The following LHFPL3 variants were observed in gnomAD, a reference collection of about 807,000 sequenced individuals.
LHFPL3 encodes LHFPL tetraspan subfamily member 3 protein.
A neutral mutation model predicts 19.3 loss-of-function variants in LHFPL3; 5 were observed. The observed-to-expected ratio is 0.26, with a 90% CI of 0.14 to 0.54. The LOEUF (loss-of-function observed/expected upper bound fraction) is 0.54. Among genes scored for constraint, LHFPL3 ranks in the 20% least tolerant of loss-of-function variants. LHFPL3 has a pLI of 0.94. For synonymous variants in LHFPL3, 133 were observed against 126.2 expected (o/e 1.05, Z -0.36); for missense variants, 249 against 307.4 (o/e 0.81, Z 1.42).
At chr7:104,827,195 T>A (rs1209503370) in intron 2 of LHFPL3, among the ~76,000 whole-genome samples, 3 of 152,062 alleles carry the variant, frequency 2.0e-5, no homozygotes, top group Non-Finnish European at 4.4e-5. Flanking sequence ...TGGATCACTG[T>A]CCTGCAGCCA....
chr7:104,527,746 C>T (rs971898396), intron 1 of LHFPL3, among the ~76,000 whole-genome samples: 4 of 152,218 alleles, frequency 2.6e-5, no homozygotes, highest in Admixed American at 2.6e-4. Context: ...AAGTCCTGGC[C>T]TCACAATGGC....
intron 2 of LHFPL3, among the ~76,000 whole-genome samples, chr7:104,753,921 G>A (rs533362418): frequency 6.6e-6 from 1 of 152,310 alleles, no homozygotes; most frequent in African/African-American, 2.4e-5. Flanking sequence ...CTGCCAGTGG[G>A]AGTGCAGACC....
intron 1 of LHFPL3, among the ~76,000 whole-genome samples, chr7:104,617,388 G>C (rs1482655552): frequency 6.6e-6 from 1 of 151,986 alleles, no homozygotes; most frequent in Non-Finnish European, 1.5e-5. Context: ...ACCAGCCTGT[G>C]GTTACCCTGT....
At chr7:104,554,680 TAGATAGATAGACAGAC>T (rs1176534741) in intron 1 of LHFPL3, among the ~76,000 whole-genome samples, 80 of 146,412 alleles carry the variant, frequency 5.5e-4, no homozygotes, top group African/African-American at 2.0e-3. Flanking sequence ...GATAGATAGA[TAGATAGATAGACAGAC>T]AGATGATGAG....
chr7:104,671,126 A>G (rs971547816), intron 1 of LHFPL3, among the ~76,000 whole-genome samples: 71 of 152,204 alleles, frequency 4.7e-4, no homozygotes, highest in African/African-American at 1.7e-3. Flanking sequence ...AGTGGGCATA[A>G]TGAATATAAT....
intron 2 of LHFPL3, among the ~76,000 whole-genome samples, chr7:104,850,664 CAT>C (rs774191004): frequency 3.3e-5 from 5 of 152,178 alleles, no homozygotes; most frequent in Non-Finnish European, 7.3e-5. Flanking sequence ...AGACCAGCAG[CAT>C]TGCCCAGAAA....
chr7:104,786,847 A>C (rs750766631), intron 2 of LHFPL3, among the ~76,000 whole-genome samples: 7 of 152,306 alleles, frequency 4.6e-5, no homozygotes, highest in Non-Finnish European at 1.0e-4. Flanking sequence ...ACATGAATGC[A>C]ATTTCATTAC....
chr7:104,399,871 C>T lies in LHFPL3; in HGVS notation c.445+70647C>T, dbSNP rs953062872. On this transcript the variant is annotated intron_variant, in intron 1 of 2. Coordinates refer to ENST00000424859, the MANE Select transcript of LHFPL3 (RefSeq NM_199000.3). The surrounding 1 kb of genome is among the most constrained non-coding windows in gnomAD (Gnocchi z 4.4). ...TAAAGACTCTGTAAGATCAGGGAGC[C>T]GAGGCAGGTGGATCACGTGAGGTCG... 4.6e-5 allele frequency among the ~76,000 whole-genome samples: 7 copies of T among 151,000 alleles called. No homozygotes were observed. Among genetic ancestry groups the T allele is most frequent in the African/African-American group, 1.5e-4 (6 of 41,138 alleles).
chr7:104,700,731 G>T (rs921286770), intron 1 of LHFPL3, among the ~76,000 whole-genome samples: 1 of 152,150 alleles, frequency 6.6e-6, no homozygotes, highest in African/African-American at 2.4e-5. Context: ...TCCATCAGTT[G>T]TTTAAATTCA....
chr7:104,395,105 T>C (rs1791157921), intron 1 of LHFPL3, among the ~76,000 whole-genome samples: 1 of 152,066 alleles, frequency 6.6e-6, no homozygotes, highest in African/African-American at 2.4e-5. Context: ...ATACGCTTCA[T>C]TGGCATGACA....
intron 1 of LHFPL3, among the ~76,000 whole-genome samples, chr7:104,734,199 G>A (rs968693071): frequency 6.6e-6 from 1 of 152,030 alleles, no homozygotes; most frequent in Non-Finnish European, 1.5e-5. Flanking sequence ...TATGTATCTT[G>A]GAGTTGCTCC....
intron 1 of LHFPL3, among the ~76,000 whole-genome samples, chr7:104,651,799 T>G (rs1360970426): frequency 6.6e-6 from 1 of 152,202 alleles, no homozygotes; most frequent in Non-Finnish European, 1.5e-5. Flanking sequence ...CTGCCTGTCA[T>G]TAGCAGTGAG....
chr7:104,858,413 C>CT (rs1791550332), intron 2 of LHFPL3, among the ~76,000 whole-genome samples: 1 of 152,222 alleles, frequency 6.6e-6, no homozygotes, highest in South Asian at 2.1e-4. Context: ...TTCTAGGCAG[C>CT]TGAGCATAGC....
intron 1 of LHFPL3, among the ~76,000 whole-genome samples, chr7:104,679,413 A>G (rs1423829559): frequency 6.6e-6 from 1 of 152,256 alleles, no homozygotes; most frequent in Non-Finnish European, 1.5e-5. Context: ...ATTAGAAGAC[A>G]GTCACCAAGT....
At chr7:104,457,527 G>A (rs1792571575) in intron 1 of LHFPL3, among the ~76,000 whole-genome samples, 1 of 151,274 alleles carries the variant, frequency 6.6e-6, no homozygotes, top group Non-Finnish European at 1.5e-5. Flanking sequence ...TTGGACATTT[G>A]GGTTGGTTCC....
chr7:104,486,845 A>G (rs1793246660), intron 1 of LHFPL3, among the ~76,000 whole-genome samples: 1 of 151,308 alleles, frequency 6.6e-6, no homozygotes, highest in African/African-American at 2.4e-5. Flanking sequence ...TGCTTTATTT[A>G]TTTTTCAGTC....
At chr7:104,648,603 C>T (rs1047405271) in intron 1 of LHFPL3, among the ~76,000 whole-genome samples, 1 of 152,148 alleles carries the variant, frequency 6.6e-6, no homozygotes, top group African/African-American at 2.4e-5. Context: ...TAACCCTGCA[C>T]CATTTTGTTA....
chr7:104,829,520 CCT>C (rs1790901513), intron 2 of LHFPL3, among the ~76,000 whole-genome samples: 1 of 151,676 alleles, frequency 6.6e-6, no homozygotes, highest in African/African-American at 2.4e-5. Context: ...GTGATGTTCC[CCT>C]TCCTGTGTCC....
At chr7:104,735,366 C>T (rs1361563784) in intron 1 of LHFPL3, among the ~76,000 whole-genome samples, 1 of 152,258 alleles carries the variant, frequency 6.6e-6, no homozygotes, top group Admixed American at 6.5e-5. Context: ...GGGCTCCACC[C>T]AGTTCGAGCT....
Sources: allele counts gnomAD v4.1 joint callset (sites outside exome capture counted in the v4.1 genomes callset), GRCh38; gene constraint gnomAD v4.1.1; non-coding constraint Gnocchi (gnomAD v3.1); transcripts MANE v1.5; gene names NCBI Gene and HGNC (gene_info 2026-07-23, HGNC 2026-07-21).